The following WLS variants were observed in gnomAD, a reference collection of about 807,000 sequenced individuals.
WLS encodes the protein protein wntless homolog.
In WLS, 23 loss-of-function variants were observed where a neutral mutation model predicts 62.8. The observed-to-expected ratio is 0.37, with a 90% CI of 0.26 to 0.52. The LOEUF is 0.52. WLS is among the 20% of genes least tolerant of loss of function. The probability of loss-of-function intolerance (pLI) is 0.92; values close to 1 mark genes in which losing one functional copy is unlikely to be tolerated. For synonymous variants in WLS, 246 were observed against 244.1 expected (o/e 1.01, Z -0.07); for missense variants, 615 against 697.3 (o/e 0.88, Z 1.33).
intron 11 of WLS, chr1:68,099,633 C>T (rs746709125): frequency 5.9e-5 from 9 of 152,108 alleles, no homozygotes; most frequent in Non-Finnish European, 1.3e-4. Flanking sequence ...CTTTAGATTA[C>T]CTATAATACC....
chr1:68,219,452 C>T (rs547175579), intron 1 of WLS, among the ~76,000 whole-genome samples: 2 of 152,254 alleles, frequency 1.3e-5, no homozygotes, highest in South Asian at 4.1e-4. Context: ...GAAGGTAACA[C>T]AATCTTTTAT....
At chr1:68,138,112 G>T in intron 10 of WLS, 179 bp from the exon 11 acceptor site, 1 of 731,482 alleles carries the variant, frequency 1.4e-6, no homozygotes, top group Non-Finnish European at 2.2e-6. Flanking sequence ...AAGGTCAACT[G>T]AAGGTTCTCT....
intron 6 of WLS, among the ~76,000 whole-genome samples, chr1:68,149,275 G>A (rs556770297): frequency 1.3e-5 from 2 of 152,224 alleles, no homozygotes; most frequent in Admixed American, 6.5e-5. Context: ...AGCTCCCTGC[G>A]GACAATCCTT....
intron 11 of WLS, among the ~76,000 whole-genome samples, chr1:68,110,657 G>GTCTCTC (rs55965951): frequency 2.5e-4 from 28 of 114,062 alleles, no homozygotes; most frequent in East Asian, 1.2e-3. Context: ...AAAAATCTCT[G>GTCTCTC]TCTCTCTCTC....
rs185970473 is a variant in WLS at position 68,163,876 on chromosome 1, C to T, written c.380-4629G>A. ...GCAGTAGGTGCTTAATAAATGTTTA[C>T]TAAACCTGAACACATACAAATCACA... On this transcript the variant is annotated intron_variant, in intron 2 of 11. Transcript: ENST00000262348. Among the ~76,000 whole-genome samples the T allele has an allele frequency of 3.7e-3, 560 of 152,206 alleles. 4 individuals are homozygous for T. Among genetic ancestry groups the T allele is most frequent in the African/African-American group, 0.013 (525 of 41,500 alleles).
At chr1:68,169,324 A>C (rs1191219426) in intron 2 of WLS, among the ~76,000 whole-genome samples, 1 of 152,228 alleles carries the variant, frequency 6.6e-6, no homozygotes, top group Non-Finnish European at 1.5e-5. Context: ...CTTAAATGCT[A>C]TACCACTGAA....
chr1:68,121,651 C>T (rs1194852961), downstream of WLS, among the ~76,000 whole-genome samples: 1 of 152,190 alleles, frequency 6.6e-6, no homozygotes, highest in Non-Finnish European at 1.5e-5. Flanking sequence ...CCTTGAAATA[C>T]AGAAGACAAA....
intron 11 of WLS, among the ~76,000 whole-genome samples, chr1:68,112,628 C>T (rs796326725): frequency 9.8e-5 from 15 of 152,338 alleles, no homozygotes; most frequent in African/African-American, 3.6e-4. Context: ...TTTCAAGGCT[C>T]GGCTCATTTT....
downstream of WLS, chr1:68,125,297 T>C (rs1026204208): frequency 2.0e-6 from 2 of 981,712 alleles, no homozygotes; most frequent in African/African-American, 1.8e-5. Flanking sequence ...TTCAGAAACC[T>C]ATTTCCCCCA....
At chr1:68,120,338 A>C (rs576334044) in intron 11 of WLS, among the ~76,000 whole-genome samples, 1 of 152,292 alleles carries the variant, frequency 6.6e-6, no homozygotes, top group South Asian at 2.1e-4. Context: ...GTCATTCTCG[A>C]TTTGGCCTGA....
Position 68,150,218 on chromosome 1 carries a change from G to A in WLS, c.942C>T (p.Phe314=), listed in dbSNP as rs1646807914. 1 of 1,614,176 alleles carries A rather than the reference G, an allele frequency of 6.2e-7. No individual in the cohort carries two copies. The highest frequency in any genetic ancestry group is 2.2e-5 in the East Asian group (1 of 44,874). Residue 314 remains phenylalanine (F), a synonymous_variant, in exon 6 of 12, where the codon TTC becomes TTT. Coordinates refer to ENST00000262348, the MANE Select transcript of WLS (RefSeq NM_024911.7). ...TGTGCTCGCCACAGAAGATGATCCA[G>A]AAGGACAGAAGCATCGCATAGAAGA... ...QGIFYAMLLS[F]WIIFCGEHMM... is the part of the protein sequence containing the mutation.
chr1:68,113,507 C>T (rs1303565468), intron 11 of WLS, among the ~76,000 whole-genome samples: 2 of 152,190 alleles, frequency 1.3e-5, no homozygotes, highest in East Asian at 1.9e-4. Flanking sequence ...TATGAGCCTC[C>T]ACTTCAGCTC....
Position 68,194,102 on chromosome 1 carries a change from C to T in WLS, c.232G>A (p.Glu78Lys), listed in dbSNP as rs763208016. ...TCAATTTCCCTTGGAATTGCCTCTTCAATGTCTCGGATCTTGTCACAATGA... is the reference window on the plus strand; with the variant it reads ...TCAATTTCCCTTGGAATTGCCTCTTTAATGTCTCGGATCTTGTCACAATGA... ...PNHCDKIRDI[E>K]EAIPREIEAN... The change falls in exon 2 of 12, where the codon GAA becomes AAA. Residue 78 changes from glutamate to lysine, a missense_variant. Transcript: ENST00000262348. 5 of 1,614,034 alleles carry T rather than the reference C, an allele frequency of 3.1e-6. No homozygotes were observed. The African/African-American group carries it at 4.0e-5, about 13-fold the overall frequency.
chr1:68,126,036 T>TG lies in WLS; in HGVS notation c.*189dup. The TG allele has an allele frequency of 7.0e-7, 1 of 1,432,236 alleles. No individual in the cohort carries two copies. Among genetic ancestry groups the TG allele is most frequent in the Non-Finnish European group, 9.2e-7 (1 of 1,089,810 alleles). 88.7% of individuals were successfully genotyped at this position (1,432,236 alleles called of 1,614,324 possible). A position where few individuals can be genotyped will look rare whatever the true frequency, so the allele number is the denominator to read the frequency against. On this transcript the variant is annotated 3_prime_UTR_variant, in exon 12 of 12. Coordinates refer to ENST00000262348, the MANE Select transcript of WLS (RefSeq NM_024911.7). Reference sequence around the variant, plus strand: ...TTATCATACACAATGCATTAGTGGCTGCAGGAATCTTCCTCCAAAAGCTAC... The same window carrying TG: ...TTATCATACACAATGCATTAGTGGCTGGCAGGAATCTTCCTCCAAAAGCTAC...
At chr1:68,131,136 C>G (rs752350) in intron 11 of WLS, among the ~76,000 whole-genome samples, 1 of 150,388 alleles carries the variant, frequency 6.6e-6, no homozygotes, top group Non-Finnish European at 1.5e-5. Flanking sequence ...TGGTCTCGAT[C>G]TCCTGACCTT....
chr1:68,140,015 G>A (rs954500770), intron 10 of WLS, among the ~76,000 whole-genome samples: 2 of 152,214 alleles, frequency 1.3e-5, no homozygotes, highest in African/African-American at 4.8e-5. Context: ...TATTAGCAAA[G>A]CTAAGATTCT....
Position 68,159,126 on chromosome 1 carries a change from GGGAGAT to G in WLS, c.495_500del (p.Ser166_Pro167del). The G allele has an allele frequency of 6.2e-7, 1 of 1,613,974 alleles. No individual in the cohort carries two copies. Among genetic ancestry groups the G allele is most frequent in the Non-Finnish European group, 8.5e-7 (1 of 1,179,968 alleles). Reference sequence around the variant, plus strand: ...CTTAGACAGCAAGGGGTCATACCTTGGGAGATGTGAAGGTGCATTTGAGTTTCCGTG... The same window carrying G: ...CTTAGACAGCAAGGGGTCATACCTTGGTGAAGGTGCATTTGAGTTTCCGTG... On this transcript the variant is annotated inframe_deletion, in exon 3 of 12. Transcript: ENST00000262348.
At chr1:68,115,022 A>G (rs1646272678) in intron 11 of WLS, among the ~76,000 whole-genome samples, 1 of 152,144 alleles carries the variant, frequency 6.6e-6, no homozygotes, top group Non-Finnish European at 1.5e-5. Context: ...ATCTTCTCAT[A>G]ATGCTGGTCT....
intron 2 of WLS, chr1:68,162,065 G>A (rs754969290): frequency 3.0e-5 from 48 of 1,585,918 alleles, no homozygotes; most frequent in Middle Eastern, 2.2e-4. Flanking sequence ...GTGATGGCTC[G>A]GCGGATCTCA....
Sources: allele counts gnomAD v4.1 joint callset (sites outside exome capture counted in the v4.1 genomes callset), GRCh38; gene constraint gnomAD v4.1.1; transcripts MANE v1.5; gene names NCBI Gene and HGNC (gene_info 2026-07-23, HGNC 2026-07-21).